DNHD1: variants seen among roughly 807,000 people sequenced by gnomAD.
DNHD1 encodes dynein heavy chain domain-containing protein 1.
DNHD1 carries 383 observed loss-of-function variants against 458.1 expected under a neutral mutation model. The observed-to-expected ratio is 0.84, with a 90% CI of 0.77 to 0.91. The LOEUF (loss-of-function observed/expected upper bound fraction) is 0.91, where lower values mean the gene tolerates loss of function less well. DNHD1 is among the 40% of genes least tolerant of loss of function. The probability of loss-of-function intolerance (pLI) is 0.00; values close to 1 mark genes in which losing one functional copy is unlikely to be tolerated. For missense variants in DNHD1, 5,336 were observed against 5,866.1 expected (o/e 0.91, Z 2.95); for synonymous variants, 2,203 against 2,376.9 (o/e 0.93, Z 2.13).
In DNHD1 at chr11:6,547,859, AC is replaced by A. The variant is rs749983965; in HGVS notation, c.6728-3del. On this transcript the variant is annotated splice_region_variant and splice_polypyrimidine_tract_variant and intron_variant, in intron 21 of 42. Transcript: ENST00000254579. ...TCCTCTCGTGGCCATGGCAACTTTCACAGAGGACCTCAGCTATAGTGATCCT... is the reference window on the plus strand; with the variant it reads ...TCCTCTCGTGGCCATGGCAACTTTCAAGAGGACCTCAGCTATAGTGATCCT... 9 of 1,551,536 alleles carry A rather than the reference AC, an allele frequency of 5.8e-6. No individual in the cohort carries two copies. The highest frequency in any genetic ancestry group is 7.8e-6 in the Non-Finnish European group (9 of 1,146,972).
At chr11:6,554,689 TATC>T (rs144901590) in intron 24 of DNHD1, among the ~76,000 whole-genome samples, 3,300 of 152,296 alleles carry the variant, frequency 0.022, 131 homozygotes, top group African/African-American at 0.076. Context: ...TGCTTGATAT[TATC>T]AGGCATCAGT....
chr11:6,543,238 T>C (rs956421542), intron 18 of DNHD1, among the ~76,000 whole-genome samples: 1 of 152,218 alleles, frequency 6.6e-6, no homozygotes, highest in Non-Finnish European at 1.5e-5. Flanking sequence ...AAACCTCCTT[T>C]CTTGATTCTT....
At position 6,544,178 on chromosome 11, in the gene DNHD1, T is replaced by C. The variant is rs954012126; in HGVS notation, c.3686T>C (p.Leu1229Ser). ...QESLQVLSKILAIEKSGDLNK... is the reference protein window; with the variant it reads ...QESLQVLSKISAIEKSGDLNK... ...AGTCTTCAGGTGTTGTCCAAGATCT[T>C]GGCCATCGAAAAGTCAGGAGATTTA... The change falls in exon 19 of 43, where the codon TTG (leucine) becomes TCG (serine). Residue 1229 changes from leucine to serine, a missense_variant. This residue lies in a region of DNHD1 where 3,932 missense variants were observed against 4,365.6 expected (regional missense o/e 0.90). Transcript: ENST00000254579. The C allele has an allele frequency of 1.4e-5, 21 of 1,551,504 alleles. No individual in the cohort carries two copies. The East Asian group carries it at 2.0e-4, about 14-fold the overall frequency.
Position 6,568,589 on chromosome 11 carries a change from A to AC in DNHD1, c.12661+18dup. On this transcript the variant is annotated intron_variant, in intron 38 of 42. Coordinates refer to ENST00000254579, the MANE Select transcript of DNHD1 (RefSeq NM_144666.3). Reference sequence around the variant, plus strand: ...GCTTCTTTGCCAGGTGAGGAGCTTAACCCCCTACAGGCTCTCAAATTGGAA... The same window carrying AC: ...GCTTCTTTGCCAGGTGAGGAGCTTAACCCCCCTACAGGCTCTCAAATTGGAA... 1 of 1,613,762 alleles carries AC rather than the reference A, an allele frequency of 6.2e-7. No homozygotes were observed.
Position 6,564,581 on chromosome 11 carries a change from G to A in DNHD1, c.10533G>A (p.Leu3511=). Residue 3511 remains leucine, a synonymous_variant, in exon 32 of 43, where the codon CTG becomes CTA. Transcript: ENST00000254579. ...CTACACACTCTCCCTTCAGTATTCTGTCCTTGCTGAGCTCTGAATCGGAGC... is the reference window on the plus strand; with the variant it reads ...CTACACACTCTCCCTTCAGTATTCTATCCTTGCTGAGCTCTGAATCGGAGC... ...LLATHSPFSI[L]SLLSSESEQY... 6.4e-7 allele frequency: 1 copy of A among 1,551,726 alleles called. No individual in the cohort carries two copies. Among genetic ancestry groups the A allele is most frequent in the Non-Finnish European group, 8.7e-7 (1 of 1,146,996 alleles).
In DNHD1 at chr11:6,538,825, T is replaced by C. The variant is rs777743052; in HGVS notation, c.3325+15T>C. 12 of 1,482,598 alleles carry C rather than the reference T, an allele frequency of 8.1e-6. No individual in the cohort carries two copies. The highest frequency in any genetic ancestry group is 1.1e-5 in the Non-Finnish European group (12 of 1,108,538). 91.8% of individuals were successfully genotyped at this position (1,482,598 alleles called of 1,614,324 possible). A position where few individuals can be genotyped will look rare whatever the true frequency, so the allele number is the denominator to read the frequency against. Reference sequence around the variant, plus strand: ...TCTCCTGCGTGGTATGTTTGGTTAATGTCAGAGGAGGGGGAAAGGGAAATA... The same window carrying C: ...TCTCCTGCGTGGTATGTTTGGTTAACGTCAGAGGAGGGGGAAAGGGAAATA... On this transcript the variant is annotated intron_variant, in intron 16 of 42. Coordinates refer to ENST00000254579, the MANE Select transcript of DNHD1 (RefSeq NM_144666.3).
In DNHD1 at chr11:6,546,146, T is replaced by C; in HGVS notation, c.5207T>C (p.Leu1736Pro). Residue 1736 changes from leucine to proline, a missense_variant, in exon 21 of 43, where the codon CTG becomes CCG. Leu to Pro is a moderately conservative substitution (Grantham distance 98). Transcript: ENST00000254579. ...GGTGCCCTGCAGGGTGGTGCCTGGC[T>C]GCTGTTGGAGAAAGTTCATCAGCTG... ...LNGALQGGAWLLLEKVHQLPP... is the reference protein window; with the variant it reads ...LNGALQGGAWPLLEKVHQLPP... 6.4e-7 allele frequency: 1 copy of C among 1,551,282 alleles called. No individual in the cohort carries two copies. Among genetic ancestry groups the C allele is most frequent in the Non-Finnish European group, 8.7e-7 (1 of 1,146,594 alleles).
chr11:6,567,347 A>G lies in DNHD1; in HGVS notation c.11838A>G (p.Thr3946=). The change falls in exon 36 of 43, where the codon ACA becomes ACG. Residue 3946 remains threonine, a synonymous_variant. Coordinates refer to ENST00000254579, the MANE Select transcript of DNHD1 (RefSeq NM_144666.3). ...GCGCTTTGGCTCTGCTGCAAGCAAC[A>G]GGGAAAGCATCAGAGCTGGAAAGAC... ...ALGALALLQA[T]GKASELERLA... The G allele has an allele frequency of 6.2e-7, 1 of 1,614,074 alleles. No homozygotes were observed. Among genetic ancestry groups the G allele is most frequent in the Non-Finnish European group, 8.5e-7 (1 of 1,179,896 alleles).
chr11:6,500,845 G>A (rs554496655), intron 3 of DNHD1, among the ~76,000 whole-genome samples: 1 of 152,306 alleles, frequency 6.6e-6, no homozygotes, highest in African/African-American at 2.4e-5. Flanking sequence ...TTACAGTTTA[G>A]TTAGGGAGAT....
At position 6,514,470 on chromosome 11, in the gene DNHD1, CTCCTTTCCTT is replaced by C. The variant is rs370594180; in HGVS notation, c.1392+3059_1392+3068del. ...TTCCCTCCCTCTCTCTCTCCTCTCC[CTCCTTTCCTT>C]TCCTTTCCTTTCCTTTCTCCCTCCT... On this transcript the variant is annotated intron_variant, in intron 7 of 42. Coordinates refer to ENST00000254579, the MANE Select transcript of DNHD1 (RefSeq NM_144666.3). Among the ~76,000 whole-genome samples, 1,290 of 150,354 alleles carry C rather than the reference CTCCTTTCCTT, an allele frequency of 8.6e-3. 18 individuals are homozygous for C. The highest frequency in any genetic ancestry group is 0.03 in the African/African-American group (1,214 of 40,908).
intron 10 of DNHD1, 135 bp from the exon 11 acceptor site, chr11:6,528,387 C>G: frequency 9.0e-7 from 1 of 1,109,534 alleles, no homozygotes; most frequent in Non-Finnish European, 1.2e-6. Context: ...TGTTAACTCA[C>G]TCATGAGCAG....
chr11:6,563,184 A>G lies in DNHD1; in HGVS notation c.9669+53A>G, dbSNP rs557425721. 7.2e-5 allele frequency: 111 copies of G among 1,549,464 alleles called. No individual in the cohort carries two copies. In the African/African-American group the frequency reaches 9.3e-4, roughly 13 times the overall value. On this transcript the variant is annotated intron_variant, in intron 29 of 42. Coordinates refer to ENST00000254579, the MANE Select transcript of DNHD1 (RefSeq NM_144666.3). ...ACTGCTCCTCTCTCAAAAGAGGGCAACCCCTCTAAGGATACCAAGAGGAGA... is the reference window on the plus strand; with the variant it reads ...ACTGCTCCTCTCTCAAAAGAGGGCAGCCCCTCTAAGGATACCAAGAGGAGA...
At chr11:6,503,262 AT>A (rs1852173122) in intron 4 of DNHD1, 1 of 203,536 alleles carries the variant, frequency 4.9e-6, no homozygotes, top group South Asian at 1.7e-4. Context: ...TCCAACTCCA[AT>A]GGAAGAAACA....
chr11:6,559,801 C>T (rs961442183), intron 28 of DNHD1, among the ~76,000 whole-genome samples: 1 of 152,194 alleles, frequency 6.6e-6, no homozygotes, highest in Admixed American at 6.5e-5. Context: ...GTATACTAGA[C>T]AAGAGTGTCC....
In DNHD1 at chr11:6,538,759, A is replaced by T; in HGVS notation, c.3274A>T (p.Lys1092Ter). The T allele has an allele frequency of 6.5e-7, 1 of 1,543,588 alleles. No homozygotes were observed. The highest frequency in any genetic ancestry group is 8.8e-7 in the Non-Finnish European group (1 of 1,141,812). The change falls in exon 16 of 43, where the codon AAG (lysine) becomes TAG (stop). Residue 1092 changes from lysine to a stop codon, truncating the protein, a stop_gained. Coordinates refer to ENST00000254579, the MANE Select transcript of DNHD1 (RefSeq NM_144666.3). LOFTEE classifies it high-confidence loss of function. ...EFRSYLPLLT[K>*]LGSLHPQSLN... ...TCGCAGCTACCTGCCCCTGCTCACT[A>T]AGCTGGGCAGCCTCCACCCACAGAG...
Position 6,546,393 on chromosome 11 carries a change from G to A in DNHD1, c.5454G>A (p.Leu1818=), listed in dbSNP as rs1250144764. The A allele has an allele frequency of 3.9e-6, 6 of 1,551,958 alleles. No homozygotes were observed. Among genetic ancestry groups the A allele is most frequent in the Non-Finnish European group, 5.2e-6 (6 of 1,147,078 alleles). ...TGAGCTCTGCTGTGCCTGCCAACCT[G>A]CACCTGCTGCTGCGGCCTGTGGCAT... ...RALSSAVPAN[L]HLLLRPVALA... The change falls in exon 21 of 43, where the codon CTG becomes CTA. Residue 1818 remains leucine (L), a synonymous_variant. Transcript: ENST00000254579.
chr11:6,553,548 T>A (rs1853404197), intron 24 of DNHD1, among the ~76,000 whole-genome samples: 1 of 152,146 alleles, frequency 6.6e-6, no homozygotes, highest in Non-Finnish European at 1.5e-5. Context: ...GTTAAAACTG[T>A]CTGTATTGGC....
intron 17 of DNHD1, 23 bp from the exon 18 acceptor site, chr11:6,539,853 T>C: frequency 6.4e-7 from 1 of 1,550,894 alleles, no homozygotes; most frequent in Non-Finnish European, 8.7e-7. Flanking sequence ...CCAGTCCTGG[T>C]TCCTGAGACC....
chr11:6,569,847 GT>G (rs1220177228), intron 39 of DNHD1, among the ~76,000 whole-genome samples, 161 bp from the exon 40 acceptor site: 1 of 152,210 alleles, frequency 6.6e-6, no homozygotes, highest in African/African-American at 2.4e-5. Context: ...AACAGGTTTT[GT>G]GGGGGGAAAT....
Sources: gnomAD v4.1 joint callset for allele counts (sites outside exome capture counted in the v4.1 genomes callset) on GRCh38, gnomAD v4.1.1 for gene constraint, gnomAD v4.1.1 regional missense constraint, MANE v1.5 for transcripts, NCBI Gene and HGNC (gene_info 2026-07-23, HGNC 2026-07-21) for gene names.